The following ASAP1 variants were observed in gnomAD, a reference collection of about 807,000 sequenced individuals.
ASAP1 encodes the protein arf-GAP with SH3 domain, ANK repeat and PH domain-containing protein 1.
ASAP1 carries 43 observed loss-of-function variants against 145.2 expected under a neutral mutation model. The ratio of observed to expected loss-of-function variants is 0.30; its 90% CI spans 0.23 to 0.38. The LOEUF (loss-of-function observed/expected upper bound fraction) is 0.38, where lower values mean the gene tolerates loss of function less well. ASAP1 is among the 10% of genes least tolerant of loss of function. ASAP1 has a pLI of 1.00. For synonymous variants in ASAP1, 546 were observed against 515.5 expected (o/e 1.06, Z -0.80); for missense variants, 1,018 against 1,355.3 (o/e 0.75, Z 3.91).
intron 5 of ASAP1, among the ~76,000 whole-genome samples, chr8:130,213,340 C>T (rs993257538): frequency 2.0e-5 from 3 of 152,194 alleles, no homozygotes. Context: ...AAGACAGACA[C>T]ATACACACGT....
At chr8:130,067,867 G>A (rs1438067399) in intron 27 of ASAP1, among the ~76,000 whole-genome samples, 1 of 152,216 alleles carries the variant, frequency 6.6e-6, no homozygotes, top group Non-Finnish European at 1.5e-5. Context: ...CAAAGCATCT[G>A]ATCATCAAGG....
At chr8:130,175,998 T>G (rs1813923922) in intron 9 of ASAP1, among the ~76,000 whole-genome samples, 1 of 152,220 alleles carries the variant, frequency 6.6e-6, no homozygotes, top group African/African-American at 2.4e-5. Flanking sequence ...AAGGAGCAGG[T>G]GAACTGGAGG....
intron 3 of ASAP1, among the ~76,000 whole-genome samples, chr8:130,350,664 C>T (rs749775601): frequency 6.6e-6 from 1 of 152,230 alleles, no homozygotes; most frequent in Non-Finnish European, 1.5e-5. Flanking sequence ...TGGCTACAGA[C>T]CCCCATCACA....
intron 24 of ASAP1, among the ~76,000 whole-genome samples, chr8:130,100,821 T>C (rs191227996): frequency 2.0e-5 from 3 of 152,368 alleles, no homozygotes; most frequent in East Asian, 1.9e-4. Flanking sequence ...TCTTTTGCTG[T>C]GCAGAAGCTT....
At chr8:130,221,735 C>T (rs183207006) in intron 4 of ASAP1, among the ~76,000 whole-genome samples, 10 of 152,262 alleles carry the variant, frequency 6.6e-5, no homozygotes, top group African/African-American at 1.9e-4. Flanking sequence ...GCCACTGAAC[C>T]TTACAGGGTA....
intron 4 of ASAP1, among the ~76,000 whole-genome samples, chr8:130,216,877 C>T (rs958252861): frequency 7.9e-5 from 12 of 152,338 alleles, no homozygotes; most frequent in African/African-American, 2.9e-4. Flanking sequence ...ATGGCAAATA[C>T]ACTCTGCTTC....
intron 1 of ASAP1, among the ~76,000 whole-genome samples, chr8:130,443,232 G>A (rs915874460): frequency 6.6e-6 from 1 of 151,824 alleles, no homozygotes; most frequent in Non-Finnish European, 1.5e-5. Flanking sequence ...CCCACCGGGC[G>A]GCCTCGCCCG....
At chr8:130,316,662 G>A (rs899165676) in intron 3 of ASAP1, among the ~76,000 whole-genome samples, 1 of 152,334 alleles carries the variant, frequency 6.6e-6, no homozygotes, top group South Asian at 2.1e-4. Flanking sequence ...ATCTTAAGCT[G>A]AGAGGTGACC....
chr8:130,329,310 G>C (rs1196568305), intron 3 of ASAP1, among the ~76,000 whole-genome samples: 3 of 152,200 alleles, frequency 2.0e-5, no homozygotes, highest in Non-Finnish European at 4.4e-5. Context: ...ACATTGGGTG[G>C]GAACCTCCCT....
intron 2 of ASAP1, chr8:130,361,854 C>A: frequency 2.1e-6 from 2 of 962,822 alleles, no homozygotes; most frequent in Admixed American, 4.0e-5. Context: ...ATACACCATC[C>A]TCCCCAAAGC....
At position 130,072,824 on chromosome 8, in the gene ASAP1, T is replaced by TGTGTGTGTGTGTGTGCGTGCGC; in HGVS notation, c.2701+3523_2701+3524insGCGCACGCACACACACACACAC. ...GTGTGTGTGTGTGTGTGTGTGTGTG[T>TGTGTGTGTGTGTGTGCGTGCGC]GCGCGCGGGGGGGGGCAGTTTTGGG... On this transcript the variant is annotated intron_variant, in intron 27 of 29. Transcript: ENST00000518721. Among the ~76,000 whole-genome samples, 3 of 32,282 alleles carry TGTGTGTGTGTGTGTGCGTGCGC rather than the reference T, an allele frequency of 9.3e-5. 1 individual carries two copies. The highest frequency in any genetic ancestry group is 1.7e-4 in the Non-Finnish European group (3 of 17,434). 21.2% of individuals were successfully genotyped at this position (32,282 alleles called of 152,430 possible).
chr8:130,411,795 C>T (rs1030586416), intron 1 of ASAP1, among the ~76,000 whole-genome samples: 5 of 152,198 alleles, frequency 3.3e-5, no homozygotes, highest in Non-Finnish European at 7.3e-5. Flanking sequence ...AGGCCAGCAC[C>T]ATAGGCATGT....
intron 4 of ASAP1, among the ~76,000 whole-genome samples, chr8:130,231,550 T>C (rs1386755527): frequency 6.6e-6 from 1 of 152,154 alleles, no homozygotes; most frequent in African/African-American, 2.4e-5. Context: ...TAATAATATG[T>C]TCATTTAATT....
At chr8:130,103,503 T>A (rs916338631) in intron 24 of ASAP1, among the ~76,000 whole-genome samples, 1 of 151,064 alleles carries the variant, frequency 6.6e-6, no homozygotes, top group Non-Finnish European at 1.5e-5. Context: ...TTGACATTTT[T>A]ATTTTTTTAT....
In ASAP1 at chr8:130,393,758, G is replaced by A. The variant is rs187107900; in HGVS notation, c.59+8127C>T. Reference sequence around the variant, plus strand: ...GTGACAGAGCGAGACTCTGTGTTGCGGGAAGTCAGGGACCCCAAACAGAGG... The same window carrying A: ...GTGACAGAGCGAGACTCTGTGTTGCAGGAAGTCAGGGACCCCAAACAGAGG... On this transcript the variant is annotated intron_variant, in intron 2 of 29. Transcript: ENST00000518721. Among the ~76,000 whole-genome samples, 164 of 152,206 alleles carry A rather than the reference G, an allele frequency of 1.1e-3. 1 individual carries two copies. The highest frequency in any genetic ancestry group is 3.6e-3 in the African/African-American group (150 of 41,528).
chr8:130,191,898 C>T (rs577006453), intron 5 of ASAP1, among the ~76,000 whole-genome samples: 2 of 152,192 alleles, frequency 1.3e-5, no homozygotes, highest in South Asian at 2.1e-4. Flanking sequence ...TTCTTCCTAA[C>T]CCTTTCCTGT....
chr8:130,390,091 A>C (rs60197165), intron 2 of ASAP1, among the ~76,000 whole-genome samples: 31,406 of 152,058 alleles, frequency 0.21, 3,329 homozygotes, highest in South Asian at 0.35. Context: ...TGAGAATCTG[A>C]TTTTTAACAG....
intron 2 of ASAP1, among the ~76,000 whole-genome samples, chr8:130,376,880 G>C (rs1827524130): frequency 1.1e-5 from 1 of 91,128 alleles, no homozygotes. Context: ...TCCAGCCTCA[G>C]CAACAAGAGC....
intron 3 of ASAP1, among the ~76,000 whole-genome samples, chr8:130,243,437 C>G (rs1350062420): frequency 1.3e-5 from 2 of 152,140 alleles, no homozygotes; most frequent in Non-Finnish European, 2.9e-5. Context: ...GGAATGAACA[C>G]ATACACACTC....
Sources: gnomAD v4.1 joint callset for allele counts (sites outside exome capture counted in the v4.1 genomes callset) on GRCh38, gnomAD v4.1.1 for gene constraint, MANE v1.5 for transcripts, NCBI Gene and HGNC (gene_info 2026-07-23, HGNC 2026-07-21) for gene names.